TRMT61B: variants seen among roughly 807,000 people sequenced by gnomAD.
The protein encoded by TRMT61B is tRNA methyltransferase 61B.
In TRMT61B, 56 loss-of-function variants were observed where a neutral mutation model predicts 52.0. The ratio of observed to expected loss-of-function variants is 1.08; its 90% CI spans 0.87 to 1.35. TRMT61B has a LOEUF of 1.35. Among genes scored for constraint, TRMT61B ranks in the 40% most tolerant of loss-of-function variants. The pLI, the probability that TRMT61B is intolerant of heterozygous loss-of-function variation, is 0.00. For synonymous variants in TRMT61B, 206 were observed against 220.0 expected, an observed-to-expected ratio of 0.94 and a Z score of 0.56; for missense variants, 650 against 577.9, an observed-to-expected ratio of 1.12 and a Z score of -1.28.
At chr2:28,869,466 A>G (rs2148157984) in intron 1 of TRMT61B, 113 bp downstream of exon 1, 1 of 721,362 alleles carries the variant, frequency 1.4e-6, no homozygotes, top group South Asian at 2.2e-5. Context: ...GCCTGAGTAC[A>G]ATAAAAAATC....
At chr2:28,859,755 TTG>T (rs1198181875) in intron 3 of TRMT61B, among the ~76,000 whole-genome samples, 1 of 152,190 alleles carries the variant, frequency 6.6e-6, no homozygotes, top group Admixed American at 6.5e-5. Flanking sequence ...AAATCCTTTG[TTG>T]TGTTTCATGC....
intron 3 of TRMT61B, among the ~76,000 whole-genome samples, chr2:28,854,932 A>C (rs1669278755): frequency 6.6e-6 from 1 of 152,046 alleles, no homozygotes. Flanking sequence ...AACAAACAAA[A>C]TAAGCAGAGA....
Position 28,850,630 on chromosome 2 carries a change from A to G in TRMT61B, c.1313-225T>C, listed in dbSNP as rs113078614. 15 of 434,150 alleles carry G rather than the reference A, an allele frequency of 3.5e-5. 1 individual carries two copies. The highest frequency in any genetic ancestry group is 1.8e-4 in the South Asian group (4 of 22,218). The allele number at this position is 434,150 out of a possible 1,614,324, so 26.9% of individuals were successfully genotyped here. A position where few individuals can be genotyped will look rare whatever the true frequency, so the allele number is the denominator to read the frequency against. On this transcript the variant is annotated intron_variant, in intron 5 of 6. Transcript: ENST00000306108. ...ACCAAATGGATAAGCCTATATCATA[A>G]ATCAACTGATACTTGAAAACTTGTT... is the stretch of plus-strand genomic sequence containing the variant.
intron 3 of TRMT61B, among the ~76,000 whole-genome samples, chr2:28,860,294 A>AAAAAAAAT (rs1669547921): frequency 6.9e-6 from 1 of 144,676 alleles, no homozygotes; most frequent in Non-Finnish European, 1.5e-5. Context: ...AAAAAAAAAA[A>AAAAAAAAT]AAAAAAAAAA....
At chr2:28,859,886 G>GA (rs1485074503) in intron 3 of TRMT61B, among the ~76,000 whole-genome samples, 1 of 151,932 alleles carries the variant, frequency 6.6e-6, no homozygotes, top group Non-Finnish European at 1.5e-5. Flanking sequence ...CCATAAATGA[G>GA]AAAAAAGAAC....
chr2:28,866,499 G>A (rs1198977479), intron 1 of TRMT61B, among the ~76,000 whole-genome samples: 1 of 152,130 alleles, frequency 6.6e-6, no homozygotes, highest in African/African-American at 2.4e-5. Flanking sequence ...TGCATGCACA[G>A]TTCACAAGAG....
intron 3 of TRMT61B, among the ~76,000 whole-genome samples, chr2:28,855,714 A>G (rs1669312136): frequency 6.6e-6 from 1 of 152,176 alleles, no homozygotes; most frequent in African/African-American, 2.4e-5. Context: ...CACACCTGTA[A>G]TCCAAGCAGT....
At chr2:28,862,221 AAAAAAAG>A (rs1346864374) in intron 2 of TRMT61B, among the ~76,000 whole-genome samples, 4 of 151,374 alleles carry the variant, frequency 2.6e-5, no homozygotes, top group African/African-American at 7.3e-5. Flanking sequence ...AAAAAAAAAA[AAAAAAAG>A]AATACCTGTA....
At chr2:28,856,333 C>T (rs969492413) in intron 3 of TRMT61B, among the ~76,000 whole-genome samples, 7 of 152,168 alleles carry the variant, frequency 4.6e-5, no homozygotes, top group Admixed American at 2.0e-4. Context: ...CAGACATTGA[C>T]TTAGGTCAAC....
intron 3 of TRMT61B, among the ~76,000 whole-genome samples, chr2:28,854,738 CAAAAAAAAA>C (rs57513823): frequency 2.3e-5 from 2 of 86,428 alleles, no homozygotes; most frequent in African/African-American, 1.1e-4. Flanking sequence ...GACTCCGTCT[CAAAAAAAAA>C]AAAAAAAAAA....
In TRMT61B at chr2:28,869,900, C is replaced by A. The variant is rs937628364; in HGVS notation, c.378G>T (p.Ser126=). The A allele has an allele frequency of 1.2e-6, 2 of 1,613,802 alleles. No individual in the cohort carries two copies. Among genetic ancestry groups the A allele is most frequent in the Middle Eastern group, 1.6e-4 (1 of 6,062 alleles). ...CGACCTCGGTAGCGGACTGGGCCTG[C>A]GAGAGCATCGAAGGATCCTCGGATC... ...HQGSEDPSML[S]QAQSATEVEE... Residue 126 remains serine, a synonymous_variant, in exon 1 of 7, where the codon TCG becomes TCT. Transcript: ENST00000306108.
intron 3 of TRMT61B, among the ~76,000 whole-genome samples, 197 bp downstream of exon 3, chr2:28,860,921 C>T (rs1669572494): frequency 6.6e-6 from 1 of 152,156 alleles, no homozygotes; most frequent in Non-Finnish European, 1.5e-5. Context: ...CTTCAGCACC[C>T]AACTCGGTAA....
At position 28,868,267 on chromosome 2, in the gene TRMT61B, C is replaced by T. The variant is rs535797369; in HGVS notation, c.699+1312G>A. 3.3e-5 allele frequency among the ~76,000 whole-genome samples: 5 copies of T among 152,198 alleles called. No homozygotes were observed. In the South Asian group the frequency reaches 1.0e-3, roughly 32 times the overall value. On this transcript the variant is annotated intron_variant, in intron 1 of 6. Coordinates refer to ENST00000306108, the MANE Select transcript of TRMT61B (RefSeq NM_017910.4). The stretch of plus-strand genomic sequence containing the variant: ...CAACAGAAACTCTGCAGCATTCCTC[C>T]CTTTGCAAGAACAATTCTCTTCCTA...
intron 5 of TRMT61B, chr2:28,850,645 G>T (rs1369977867): frequency 1.5e-5 from 6 of 410,964 alleles, no homozygotes; most frequent in Non-Finnish European, 2.6e-5. Flanking sequence ...ACTGATACTT[G>T]AAAACTTGTT....
Position 28,870,255 on chromosome 2 carries a change from C to G in TRMT61B, c.23G>C (p.Gly8Ala), listed in dbSNP as rs777663288. 1.3e-6 allele frequency: 2 copies of G among 1,597,526 alleles called. No individual in the cohort carries two copies. The highest frequency in any genetic ancestry group is 2.7e-5 in the African/African-American group (2 of 74,618). Residue 8 changes from glycine (G) to alanine (A), a missense_variant, in exon 1 of 7, where the codon GGT (glycine) becomes GCT (alanine). Transcript: ENST00000306108. Reference protein sequence around the residue: MLMAWCRGPVLLCLRQGL... With the variant: MLMAWCRAPVLLCLRQGL... The stretch of plus-strand genomic sequence containing the variant: ...CTGCCGCAGGCACAGCAAGACAGGA[C>G]CGCGGCACCATGCCATTAGCATAGT...
At chr2:28,856,100 C>A (rs1669328574) in intron 3 of TRMT61B, among the ~76,000 whole-genome samples, 2 of 152,284 alleles carry the variant, frequency 1.3e-5, no homozygotes, top group African/African-American at 4.8e-5. Context: ...AGTCAGATAA[C>A]CCAGAAAACT....
intron 3 of TRMT61B, among the ~76,000 whole-genome samples, chr2:28,858,719 C>G (rs1475421265): frequency 1.5e-5 from 2 of 132,854 alleles, no homozygotes; most frequent in Non-Finnish European, 3.1e-5. Context: ...CGCTTGAACC[C>G]GGGAGGCGGA....
At chr2:28,855,591 G>T (rs1049075347) in intron 3 of TRMT61B, among the ~76,000 whole-genome samples, 1 of 152,198 alleles carries the variant, frequency 6.6e-6, no homozygotes, top group Non-Finnish European at 1.5e-5. Flanking sequence ...TTACTAATGA[G>T]GAAAATGATG....
chr2:28,858,041 C>CTTTTTTTT (rs372996493), intron 3 of TRMT61B, among the ~76,000 whole-genome samples: 1 of 133,322 alleles, frequency 7.5e-6, no homozygotes, highest in East Asian at 2.2e-4. Context: ...TTGTTTAATT[C>CTTTTTTTT]TTTTTTTTTT....
Sources: allele counts gnomAD v4.1 joint callset (sites outside exome capture counted in the v4.1 genomes callset), GRCh38; gene constraint gnomAD v4.1.1; transcripts MANE v1.5; gene names NCBI Gene and HGNC (gene_info 2026-07-23, HGNC 2026-07-21).